Variants in STIM2 observed in about 807,000 individuals in gnomAD.
STIM2 encodes the protein stromal interaction molecule 2.
Under a neutral mutation model 85.8 loss-of-function variants are expected in STIM2, and 31 were observed. The observed-to-expected ratio is 0.36, with a 90% CI of 0.27 to 0.49. The LOEUF is 0.49. Ranked by LOEUF, STIM2 falls within the 20% of genes least tolerant of loss-of-function variation. The pLI is 0.98. For synonymous variants in STIM2, 356 were observed against 331.1 expected, an observed-to-expected ratio of 1.08 and a Z score of -0.82; for missense variants, 841 against 927.6, an observed-to-expected ratio of 0.91 and a Z score of 1.21.
At chr4:26,990,196 A>G (rs1402882685) in intron 3 of STIM2, among the ~76,000 whole-genome samples, 1 of 152,146 alleles carries the variant, frequency 6.6e-6, no homozygotes, top group Non-Finnish European at 1.5e-5. Flanking sequence ...CACTACCTGA[A>G]TTCAAATTAT....
intron 2 of STIM2, among the ~76,000 whole-genome samples, chr4:26,938,137 A>G (rs977436490): frequency 6.6e-6 from 1 of 151,646 alleles, no homozygotes. Context: ...TGACTTTTAG[A>G]ATTTTTTTTT....
At chr4:26,879,798 T>G (rs1405159227) in intron 1 of STIM2, among the ~76,000 whole-genome samples, 1 of 152,232 alleles carries the variant, frequency 6.6e-6, no homozygotes, top group Non-Finnish European at 1.5e-5. Flanking sequence ...GCCAGAGTCC[T>G]AAGAGGTATA....
chr4:26,972,355 C>T (rs980016352), intron 3 of STIM2, among the ~76,000 whole-genome samples: 6 of 152,116 alleles, frequency 3.9e-5, no homozygotes. Flanking sequence ...TTTGCCCATT[C>T]AGTATGATAC....
At position 27,020,231 on chromosome 4, in the gene STIM2, C is replaced by T. The variant is rs1388346170; in HGVS notation, c.1763+2247C>T. Among the ~76,000 whole-genome samples, 5 of 152,298 alleles carry T rather than the reference C, an allele frequency of 3.3e-5. No homozygotes were observed. In the South Asian group the frequency reaches 1.0e-3, roughly 32 times the overall value. ...TTTCACACACAATGCAGCAAAGCCA[C>T]ATAACAGAAGAGAAAATATTCATAA... On this transcript the variant is annotated intron_variant, in intron 11 of 11. Transcript: ENST00000467087.
At position 26,860,915 on chromosome 4, in the gene STIM2, A is replaced by G. The variant is rs1339565642; in HGVS notation, c.-304A>G. Reference sequence around the variant, plus strand: ...CCGCCTGAAGACGCCGTACCTTTCTACCCCCCACCTTTTTTTTTTTTTTTT... The same window carrying G: ...CCGCCTGAAGACGCCGTACCTTTCTGCCCCCCACCTTTTTTTTTTTTTTTT... On this transcript the variant is annotated 5_prime_UTR_variant, in exon 1 of 12. Transcript: ENST00000467087. The G allele has an allele frequency of 1.9e-6, 2 of 1,026,990 alleles. No individual in the cohort carries two copies. The highest frequency in any genetic ancestry group is 1.1e-4 in the East Asian group (1 of 9,360). The allele number at this position is 1,026,990 out of a possible 1,614,324, so 63.6% of individuals were successfully genotyped here.
chr4:26,948,179 G>T (rs1340262045), intron 2 of STIM2, among the ~76,000 whole-genome samples: 1 of 152,098 alleles, frequency 6.6e-6, no homozygotes, highest in East Asian at 1.9e-4. Flanking sequence ...TTATTCTCAG[G>T]TTCATTCTCC....
intron 3 of STIM2, among the ~76,000 whole-genome samples, chr4:26,964,597 C>A (rs1246988326): frequency 1.3e-5 from 2 of 152,046 alleles, no homozygotes; most frequent in East Asian, 3.9e-4. Context: ...CAGTTTTTTT[C>A]TCCCTGTGAT....
chr4:26,872,184 G>A (rs2109029419), intron 1 of STIM2, among the ~76,000 whole-genome samples: 1 of 152,262 alleles, frequency 6.6e-6, no homozygotes, highest in East Asian at 1.9e-4. Context: ...AAAGTATGAA[G>A]ACATAGTTTG....
At chr4:26,955,085 T>A (rs1253653311) in intron 2 of STIM2, among the ~76,000 whole-genome samples, 1 of 146,606 alleles carries the variant, frequency 6.8e-6, no homozygotes, top group Non-Finnish European at 1.5e-5. Context: ...TTCTAAGAAT[T>A]CTTAGGAATT....
intron 1 of STIM2, among the ~76,000 whole-genome samples, chr4:26,883,144 C>T (rs1254834308): frequency 6.8e-6 from 1 of 147,238 alleles, no homozygotes; most frequent in East Asian, 2.2e-4. Context: ...CCACTGTACC[C>T]GGCCTTGTGT....
At chr4:27,001,600 C>T (rs899393063) in intron 5 of STIM2, among the ~76,000 whole-genome samples, 4 of 152,124 alleles carry the variant, frequency 2.6e-5, no homozygotes, top group Non-Finnish European at 5.9e-5. Context: ...GTAGGGTGTT[C>T]AGCAATACTT....
chr4:26,874,882 T>C (rs1016182808), intron 1 of STIM2, among the ~76,000 whole-genome samples: 11 of 152,240 alleles, frequency 7.2e-5, no homozygotes, highest in African/African-American at 2.7e-4. Context: ...ATGAAGGTGC[T>C]GCTGTCATAA....
chr4:26,907,899 A>G (rs1724189166), intron 1 of STIM2, among the ~76,000 whole-genome samples: 1 of 152,186 alleles, frequency 6.6e-6, no homozygotes, highest in Non-Finnish European at 1.5e-5. Context: ...CAGCGCACAT[A>G]TGTCTGATTC....
At chr4:27,003,149 G>A (rs1397585404) in intron 7 of STIM2, 45 bp downstream of exon 7, 2 of 1,519,212 alleles carry the variant, frequency 1.3e-6, no homozygotes, top group Non-Finnish European at 1.7e-6. Flanking sequence ...TGTTAACATT[G>A]CCACTCTGAG....
chr4:26,997,049 G>T (rs1444845014), intron 4 of STIM2, among the ~76,000 whole-genome samples: 3 of 152,046 alleles, frequency 2.0e-5, no homozygotes, highest in Non-Finnish European at 4.4e-5. Context: ...TCAGTTTTCA[G>T]GTCAGCCCAT....
chr4:26,941,660 A>G (rs548729053), intron 2 of STIM2, among the ~76,000 whole-genome samples: 11 of 151,378 alleles, frequency 7.3e-5, no homozygotes, highest in Admixed American at 7.2e-4. Flanking sequence ...AAATTATACT[A>G]TGTAGCAAAT....
intron 7 of STIM2, among the ~76,000 whole-genome samples, chr4:27,004,236 T>C (rs1299766789): frequency 6.6e-6 from 1 of 152,194 alleles, no homozygotes; most frequent in Non-Finnish European, 1.5e-5. Flanking sequence ...ACTCCTTCTC[T>C]CACACCCCCA....
chr4:26,885,676 G>T (rs1222115839), intron 1 of STIM2, among the ~76,000 whole-genome samples: 1 of 151,330 alleles, frequency 6.6e-6, no homozygotes, highest in African/African-American at 2.4e-5. Context: ...TGTTTTGCCT[G>T]GGTGAATTCA....
intron 1 of STIM2, among the ~76,000 whole-genome samples, chr4:26,900,320 T>C (rs1394850234): frequency 1.3e-5 from 2 of 152,160 alleles, no homozygotes; most frequent in Non-Finnish European, 2.9e-5. Flanking sequence ...AGCAGGTACA[T>C]AGTTGAGTGT....
Sources: gnomAD v4.1 joint callset for allele counts (sites outside exome capture counted in the v4.1 genomes callset) on GRCh38, gnomAD v4.1.1 for gene constraint, MANE v1.5 for transcripts, NCBI Gene and HGNC (gene_info 2026-07-23, HGNC 2026-07-21) for gene names.